CEP63: variants seen among roughly 807,000 people sequenced by gnomAD.
CEP63 encodes the protein centrosomal protein 63, also known as centrosomal protein of 63 kDa.
In CEP63, 84 loss-of-function variants were observed where a neutral mutation model predicts 89.1. The ratio of observed to expected loss-of-function variants is 0.94; its 90% confidence interval spans 0.79 to 1.13. CEP63 has a LOEUF of 1.13. Among genes scored for constraint, CEP63 ranks in the 50% most tolerant of loss-of-function variants. The pLI is 0.00. For missense variants in CEP63, 838 were observed against 813.3 expected (o/e 1.03, Z -0.37); for synonymous variants, 267 against 272.5 (o/e 0.98, Z 0.20).
the CEP63 span, among the ~76,000 whole-genome samples, chr3:134,703,406 G>A: frequency 0.93 from 141,119 of 152,268 alleles, 65,719 homozygotes; most frequent in East Asian, 1. Context: ...CTGGATAAGG[G>A]AAATGTGGTA....
At chr3:134,732,859 T>C in the CEP63 span, among the ~76,000 whole-genome samples, 3 of 152,180 alleles carry the variant, frequency 2.0e-5, no homozygotes, top group Admixed American at 2.0e-4. Flanking sequence ...ACTTACAAAT[T>C]AGCTTGTCAC....
At chr3:134,728,009 T>C in the CEP63 span, among the ~76,000 whole-genome samples, 3 of 151,926 alleles carry the variant, frequency 2.0e-5, no homozygotes, top group African/African-American at 7.3e-5. Context: ...AACTATAAGG[T>C]ATAGAAGAAA....
chr3:134,738,264 AC>A, the CEP63 span, among the ~76,000 whole-genome samples: 3,393 of 150,914 alleles, frequency 0.022, 121 homozygotes, highest in African/African-American at 0.078. Flanking sequence ...ACACACACAC[AC>A]ACACACACAC....
chr3:134,501,907 A>G (rs1446707170), intron 2 of CEP63, among the ~76,000 whole-genome samples: 1 of 152,180 alleles, frequency 6.6e-6, no homozygotes, highest in Non-Finnish European at 1.5e-5. Flanking sequence ...GTCATGTCCC[A>G]GGTGTCAAGG....
intron 6 of CEP63, among the ~76,000 whole-genome samples, chr3:134,538,049 T>C (rs1465546226): frequency 6.6e-6 from 1 of 152,170 alleles, no homozygotes; most frequent in Non-Finnish European, 1.5e-5. Context: ...AAAAAATTTG[T>C]GATCATCTGT....
chr3:134,651,366 A>G, the CEP63 span: 6 of 1,130,592 alleles, frequency 5.3e-6, no homozygotes, highest in African/African-American at 1.7e-5. Context: ...CGGTCTCCGG[A>G]GGGTTCTCGA....
chr3:134,603,581 A>G, the CEP63 span: 1 of 1,573,158 alleles, frequency 6.4e-7, no homozygotes, highest in Non-Finnish European at 8.7e-7. Context: ...CACAGCCCTC[A>G]CTGGGCATTC....
At chr3:134,566,689 A>G (rs1190814194), downstream of CEP63, among the ~76,000 whole-genome samples, 1 of 152,216 alleles carries the variant, frequency 6.6e-6, no homozygotes, top group Non-Finnish European at 1.5e-5. Context: ...AAGATGTTCA[A>G]CATCATTAGT....
the CEP63 span, chr3:134,603,321 C>A: frequency 0.64 from 253,212 of 393,332 alleles, 83,103 homozygotes; most frequent in East Asian, 0.82. Flanking sequence ...GTACAGTTTA[C>A]AATACCTTAG....
At chr3:134,724,733 C>T in the CEP63 span, among the ~76,000 whole-genome samples, 284 of 152,274 alleles carry the variant, frequency 1.9e-3, no homozygotes, top group Middle Eastern at 3.4e-3. Context: ...TACTATAAGT[C>T]CTTTTTTCAT....
chr3:134,715,459 G>A, the CEP63 span, among the ~76,000 whole-genome samples: 6 of 151,906 alleles, frequency 3.9e-5, no homozygotes, highest in Admixed American at 6.6e-5. Flanking sequence ...TAATGCCTGC[G>A]CACTTGCACA....
chr3:134,591,659 C>T (rs915325923), downstream of CEP63, among the ~76,000 whole-genome samples: 4 of 152,004 alleles, frequency 2.6e-5, no homozygotes, highest in African/African-American at 9.7e-5. Context: ...AGTTCAAGAC[C>T]AGCCTGGGCA....
the CEP63 span, among the ~76,000 whole-genome samples, chr3:134,711,898 G>C: frequency 3.3e-5 from 5 of 151,766 alleles, no homozygotes; most frequent in Non-Finnish European, 7.4e-5. Context: ...GGGTAGCTAG[G>C]ATTACAAGCA....
the CEP63 span, among the ~76,000 whole-genome samples, chr3:134,746,611 A>C: frequency 6.6e-6 from 1 of 152,316 alleles, no homozygotes; most frequent in South Asian, 2.1e-4. Flanking sequence ...AATGATTGCT[A>C]TTCTAACTGG....
At chr3:134,593,637 T>C in the CEP63 span, among the ~76,000 whole-genome samples, 1 of 152,128 alleles carries the variant, frequency 6.6e-6, no homozygotes, top group African/African-American at 2.4e-5. Flanking sequence ...GTGAAATCAA[T>C]GTGTATAGAG....
chr3:134,597,864 G>C, the CEP63 span: 95,890 of 152,036 alleles, frequency 0.63, 30,735 homozygotes, highest in East Asian at 0.87. Flanking sequence ...CCTGGGAATA[G>C]AACTGGTCCA....
At chr3:134,509,595 T>G (rs1213812249) in intron 3 of CEP63, among the ~76,000 whole-genome samples, 2 of 152,168 alleles carry the variant, frequency 1.3e-5, no homozygotes, top group Non-Finnish European at 2.9e-5. Flanking sequence ...TTTTATATCT[T>G]CATTAAAGGA....
chr3:134,710,274 A>G, the CEP63 span, among the ~76,000 whole-genome samples: 4 of 152,206 alleles, frequency 2.6e-5, no homozygotes, highest in African/African-American at 9.6e-5. Flanking sequence ...GAGGCCAACC[A>G]GGAAAAAGGC....
downstream of CEP63, among the ~76,000 whole-genome samples, chr3:134,576,515 G>A (rs561058979): frequency 6.6e-6 from 1 of 152,310 alleles, no homozygotes; most frequent in East Asian, 1.9e-4. Context: ...CAGTGCCCAG[G>A]GCAGTGAGGC....
Sources: gnomAD v4.1 joint callset for allele counts (sites outside exome capture counted in the v4.1 genomes callset) on GRCh38, gnomAD v4.1.1 for gene constraint, MANE v1.5 for transcripts, NCBI Gene and HGNC (gene_info 2026-07-23, HGNC 2026-07-21) for gene names.